MAD1L1: variants seen among roughly 807,000 people sequenced by gnomAD.
MAD1L1 encodes mitotic arrest deficient 1 like 1, also known as mitotic spindle assembly checkpoint protein MAD1.
MAD1L1 carries 95 observed loss-of-function variants against 96.9 expected under a neutral mutation model. That is an observed-to-expected ratio of 0.98 (90% confidence interval 0.83 to 1.16). The LOEUF (loss-of-function observed/expected upper bound fraction) is 1.16. MAD1L1 is among the 50% of genes most tolerant of loss of function. MAD1L1 has a pLI of 0.00. For missense variants in MAD1L1, 1,007 were observed against 954.4 expected (o/e 1.06, Z -0.73); for synonymous variants, 473 against 396.6 (o/e 1.19, Z -2.29).
chr7:1,827,651 C>T lies in MAD1L1; in HGVS notation c.1999-11423G>A, dbSNP rs374126379. Among the ~76,000 whole-genome samples the T allele has an allele frequency of 1.1e-3, 120 of 110,968 alleles. 22 individuals are homozygous for T. Among genetic ancestry groups the T allele is most frequent in the African/African-American group, 3.4e-3 (100 of 29,764 alleles). The allele number at this position is 110,968 out of a possible 152,430, so 72.8% of individuals were successfully genotyped here. The stretch of plus-strand genomic sequence containing the variant: ...CCCCGCCCGGGTGTGGGGGCCTCCC[C>T]TCCTGAGCCCGGCCCGGGTGTGGGG... On this transcript the variant is annotated intron_variant, in intron 18 of 18. Coordinates refer to ENST00000265854, the MANE Select transcript of MAD1L1 (RefSeq NM_001013836.2).
At chr7:1,983,187 C>G (rs912833461) in intron 14 of MAD1L1, among the ~76,000 whole-genome samples, 6 of 151,066 alleles carry the variant, frequency 4.0e-5, no homozygotes, top group East Asian at 2.0e-4. Flanking sequence ...CACACACACA[C>G]AGGCTTGTAA....
intron 16 of MAD1L1, among the ~76,000 whole-genome samples, chr7:1,943,058 C>T (rs1350715858): frequency 6.6e-6 from 1 of 152,170 alleles, no homozygotes; most frequent in Non-Finnish European, 1.5e-5. Context: ...GCTGCTGGGA[C>T]AATGGGCTGG....
At chr7:1,963,824 G>A (rs975643585) in intron 15 of MAD1L1, among the ~76,000 whole-genome samples, 6 of 152,222 alleles carry the variant, frequency 3.9e-5, no homozygotes, top group Admixed American at 3.9e-4. Context: ...CGCTCCTCTT[G>A]AGGCAGGGAG....
chr7:1,934,987 G>A (rs905315592), intron 17 of MAD1L1, among the ~76,000 whole-genome samples: 17 of 151,780 alleles, frequency 1.1e-4, no homozygotes, highest in African/African-American at 3.6e-4. Context: ...GGGCAAACCC[G>A]AGACGGGCAG....
chr7:1,903,861 C>T (rs1323263266), intron 17 of MAD1L1, among the ~76,000 whole-genome samples: 15 of 133,916 alleles, frequency 1.1e-4, no homozygotes, highest in Admixed American at 2.3e-4. Context: ...TTCCAGGCAG[C>T]GAGGACGCAG....
intron 11 of MAD1L1, among the ~76,000 whole-genome samples, chr7:2,087,559 C>A (rs11982791): frequency 0.1 from 15,327 of 152,106 alleles, 1,128 homozygotes; most frequent in African/African-American, 0.2. Flanking sequence ...ATTATTAATA[C>A]TACTACTAAT....
chr7:2,155,947 A>G (rs749263577), intron 10 of MAD1L1, among the ~76,000 whole-genome samples: 73 of 152,218 alleles, frequency 4.8e-4, no homozygotes, highest in Non-Finnish European at 9.8e-4. Flanking sequence ...AAGCTCAACA[A>G]TAAAAAAAAT....
intron 15 of MAD1L1, among the ~76,000 whole-genome samples, chr7:1,961,294 AAAC>A (rs1779941488): frequency 6.6e-6 from 1 of 152,248 alleles, no homozygotes; most frequent in African/African-American, 2.4e-5. Context: ...AGAATAGAGA[AAAC>A]AACATTGACA....
chr7:2,103,494 C>T lies in MAD1L1; in HGVS notation c.1074-34156G>A, dbSNP rs571170135. Among the ~76,000 whole-genome samples the T allele has an allele frequency of 4.1e-4, 63 of 152,286 alleles. No homozygotes were observed. The highest frequency in any genetic ancestry group is 6.2e-4 in the South Asian group (3 of 4,824). On this transcript the variant is annotated intron_variant, in intron 11 of 18. Coordinates refer to ENST00000265854, the MANE Select transcript of MAD1L1 (RefSeq NM_001013836.2). The surrounding 1 kb of genome is among the most constrained non-coding windows in gnomAD (Gnocchi z 4.3). ...CAGATCTCACCCGCCCCCGAGGCCA[C>T]TGCACAGCGGCGGGGCTCTCGACCA... is the stretch of plus-strand genomic sequence containing the variant.
intron 11 of MAD1L1, among the ~76,000 whole-genome samples, chr7:2,138,566 G>C (rs1364539941): frequency 1.3e-5 from 2 of 152,204 alleles, no homozygotes; most frequent in Non-Finnish European, 2.9e-5. Context: ...GGCTTGTTAG[G>C]AGAAGTCAGC....
At chr7:2,003,289 T>C (rs914832651) in intron 13 of MAD1L1, among the ~76,000 whole-genome samples, 4 of 152,106 alleles carry the variant, frequency 2.6e-5, no homozygotes, top group African/African-American at 9.7e-5. Context: ...TGTGGGTATG[T>C]ATATGCACAC....
In MAD1L1 at chr7:2,204,538, A is replaced by C. The variant is rs564043868; in HGVS notation, c.986+8674T>G. Among the ~76,000 whole-genome samples the C allele has an allele frequency of 1.6e-4, 24 of 152,334 alleles. 1 individual carries two copies. The South Asian group carries it at 4.8e-3, about 30-fold the overall frequency. On this transcript the variant is annotated intron_variant, in intron 10 of 18. Transcript: ENST00000265854. Reference sequence around the variant, plus strand: ...GTTGCTCAGTTTTACCTTTTTAAAAAGTTCAAATCAATGGGATGGTATAGT... The same window carrying C: ...GTTGCTCAGTTTTACCTTTTTAAAACGTTCAAATCAATGGGATGGTATAGT...
At chr7:1,872,314 C>T (rs1017148035) in intron 18 of MAD1L1, among the ~76,000 whole-genome samples, 32 of 152,336 alleles carry the variant, frequency 2.1e-4, no homozygotes, top group African/African-American at 6.0e-4. Flanking sequence ...TCATGCCCAG[C>T]GGCCTGGCCG....
chr7:1,974,190 C>T (rs907725384), intron 15 of MAD1L1, among the ~76,000 whole-genome samples: 2 of 152,216 alleles, frequency 1.3e-5, no homozygotes, highest in Non-Finnish European at 2.9e-5. Context: ...GGCCCCCACG[C>T]CAGAGTCACC....
chr7:1,827,986 G>T (rs1490145962), intron 18 of MAD1L1, among the ~76,000 whole-genome samples: 4 of 152,172 alleles, frequency 2.6e-5, no homozygotes, highest in African/African-American at 9.6e-5. Flanking sequence ...TGCTGGGGAT[G>T]CGGGGTGAGG....
At chr7:1,965,932 C>G (rs1780148049) in intron 15 of MAD1L1, among the ~76,000 whole-genome samples, 2 of 152,268 alleles carry the variant, frequency 1.3e-5, no homozygotes, top group African/African-American at 2.4e-5. Flanking sequence ...AATGGAAGGA[C>G]TGAAAAGCGT....
intron 17 of MAD1L1, among the ~76,000 whole-genome samples, chr7:1,917,825 A>G (rs1048448386): frequency 6.6e-6 from 1 of 152,146 alleles, no homozygotes; most frequent in Non-Finnish European, 1.5e-5. Flanking sequence ...GGGTGGGGCC[A>G]CCTGGCTGTG....
In MAD1L1 at chr7:1,894,845, A is replaced by G. The variant is rs372808142; in HGVS notation, c.1998+3355T>C. On this transcript the variant is annotated intron_variant, in intron 18 of 18. Coordinates refer to ENST00000265854, the MANE Select transcript of MAD1L1 (RefSeq NM_001013836.2). ...TGGGGGTTGGGTGAGGCTGGGGGAAAGAGGCTGTGAAAAGAAGCCTAGGGA... is the reference window on the plus strand; with the variant it reads ...TGGGGGTTGGGTGAGGCTGGGGGAAGGAGGCTGTGAAAAGAAGCCTAGGGA... 1.3e-3 allele frequency among the ~76,000 whole-genome samples: 199 copies of G among 152,156 alleles called. 6 individuals are homozygous for G. In the South Asian group the frequency reaches 0.039, roughly 30 times the overall value.
At chr7:2,020,924 G>C (rs1297942636) in intron 12 of MAD1L1, among the ~76,000 whole-genome samples, 2 of 150,240 alleles carry the variant, frequency 1.3e-5, no homozygotes, top group Admixed American at 1.3e-4. Context: ...CATAAAAAAT[G>C]AAAAAAAACA....
Sources: gnomAD v4.1 joint callset for allele counts (sites outside exome capture counted in the v4.1 genomes callset) on GRCh38, gnomAD v4.1.1 for gene constraint, Gnocchi (gnomAD v3.1) non-coding constraint, MANE v1.5 for transcripts, NCBI Gene and HGNC (gene_info 2026-07-23, HGNC 2026-07-21) for gene names.